PCDHGA8: variants seen among roughly 807,000 people sequenced by gnomAD.
PCDHGA8 encodes the protein protocadherin gamma-A8.
Under a neutral mutation model 59.2 loss-of-function variants are expected in PCDHGA8, and 45 were observed. The ratio of observed to expected loss-of-function variants is 0.76; its 90% CI spans 0.60 to 0.98. The LOEUF (loss-of-function observed/expected upper bound fraction) is 0.98, where lower values mean the gene tolerates loss of function less well. Among genes scored for constraint, PCDHGA8 ranks in the 50% least tolerant of loss-of-function variants. PCDHGA8 has a pLI of 0.00. For synonymous variants in PCDHGA8, 531 were observed against 519.0 expected, an observed-to-expected ratio of 1.02 and a Z score of -0.32; for missense variants, 1,257 against 1,196.2, an observed-to-expected ratio of 1.05 and a Z score of -0.75.
intron 1 of PCDHGA8, chr5:141,419,384 G>T (rs1383174444): frequency 1.2e-6 from 2 of 1,613,554 alleles, no homozygotes; most frequent in East Asian, 2.2e-5. Flanking sequence ...GTCCGTGAGC[G>T]CGCAGAGCGG....
At chr5:141,482,234 A>G (rs11748256) in intron 1 of PCDHGA8, among the ~76,000 whole-genome samples, 44,758 of 152,044 alleles carry the variant, frequency 0.29, 7,110 homozygotes, top group African/African-American at 0.42. Context: ...GAAATTGCCA[A>G]TATAAGTATA....
intron 1 of PCDHGA8, chr5:141,417,540 A>G (rs1301087527): frequency 2.0e-5 from 6 of 301,520 alleles, no homozygotes; most frequent in Non-Finnish European, 3.6e-5. Context: ...TTTAAAAAAA[A>G]TTCCTTGAAA....
At chr5:141,450,815 A>ATAT (rs1420984335) in intron 1 of PCDHGA8, among the ~76,000 whole-genome samples, 2,245 of 126,710 alleles carry the variant, frequency 0.018, 73 homozygotes, top group African/African-American at 0.063. Flanking sequence ...TATTTATTTA[A>ATAT]TATTATTATT....
intron 1 of PCDHGA8, chr5:141,404,380 C>T (rs777340976): frequency 1.9e-6 from 3 of 1,613,916 alleles, no homozygotes; most frequent in Non-Finnish European, 2.5e-6. Context: ...CCGTGATTGC[C>T]TATGACCCTG....
chr5:141,421,507 G>A lies in PCDHGA8; in HGVS notation c.2424+26270G>A, dbSNP rs758920296. On this transcript the variant is annotated intron_variant, in intron 1 of 3. Coordinates refer to ENST00000398604, the MANE Select transcript of PCDHGA8 (RefSeq NM_032088.2). ...GATCACGGCAGGCAGGATAGACCGG[G>A]AGGAGCTCTGTGAGACGGTGTCCTC... The A allele has an allele frequency of 6.8e-6, 11 of 1,614,070 alleles. No homozygotes were observed. The South Asian group carries it at 1.2e-4, about 18-fold the overall frequency.
At chr5:141,410,404 G>A (rs79498912) in intron 1 of PCDHGA8, 32,650 of 1,614,014 alleles carry the variant, frequency 0.02, 588 homozygotes, top group African/African-American at 0.088. Context: ...TCTGTGTCAA[G>A]TCTGGACCTG....
Position 141,491,140 on chromosome 5 carries a change from T to A in PCDHGA8, c.2425-3667T>A, listed in dbSNP as rs1392575961. On this transcript the variant is annotated intron_variant, in intron 1 of 3. Coordinates refer to ENST00000398604, the MANE Select transcript of PCDHGA8 (RefSeq NM_032088.2). This position sits in a 1 kb window ranked among gnomAD's most constrained non-coding sequence, Gnocchi z 6.9. ...TGGTGAGGTGCGCACAGCCCGGGCC[T>A]TACTGGAGGATGACTCTGACACCCA... 2 of 1,614,110 alleles carry A rather than the reference T, an allele frequency of 1.2e-6. No individual in the cohort carries two copies. Among genetic ancestry groups the A allele is most frequent in the Non-Finnish European group, 1.7e-6 (2 of 1,179,992 alleles).
Position 141,395,077 on chromosome 5 carries a change from A to T in PCDHGA8, c.2264A>T (p.Gln755Leu). Reference protein sequence around the residue: ...EVQAFLQTYSQEVSLTADSRK... With the variant: ...EVQAFLQTYSLEVSLTADSRK... ...CAGGCTTTCCTGCAGACCTATTCCC[A>T]GGAAGTCTCCCTCACCGCCGACTCG... Residue 755 changes from glutamine to leucine, a missense_variant, in exon 1 of 4, where the codon CAG becomes CTG. By Grantham distance (113) the Gln-to-Leu change is moderately radical. Transcript: ENST00000398604. 6.2e-7 allele frequency: 1 copy of T among 1,614,142 alleles called. No individual in the cohort carries two copies. Among genetic ancestry groups the T allele is most frequent in the Non-Finnish European group, 8.5e-7 (1 of 1,180,026 alleles).
intron 1 of PCDHGA8, chr5:141,423,754 G>C: frequency 1.7e-6 from 1 of 577,836 alleles, no homozygotes. Flanking sequence ...ACTGTTTGGG[G>C]GGGGGGTGGG....
Position 141,393,911 on chromosome 5 carries a change from T to C in PCDHGA8, c.1098T>C (p.Ile366=). 6 of 1,614,002 alleles carry C rather than the reference T, an allele frequency of 3.7e-6. No homozygotes were observed. Among genetic ancestry groups the C allele is most frequent in the Non-Finnish European group, 5.1e-6 (6 of 1,179,890 alleles). Residue 366 remains isoleucine (I), a synonymous_variant, in exon 1 of 4, where the codon ATT becomes ATC. Coordinates refer to ENST00000398604, the MANE Select transcript of PCDHGA8 (RefSeq NM_032088.2). The part of the protein sequence containing the change: ...VLENSLPGTV[I]AFLSVHDQDS... ...AAAATTCTCTTCCCGGGACAGTAAT[T>C]GCCTTCTTGAGTGTGCATGACCAAG...
chr5:141,478,517 T>G (rs1593923092), intron 1 of PCDHGA8: 1 of 1,611,116 alleles, frequency 6.2e-7, no homozygotes, highest in Non-Finnish European at 8.5e-7. Context: ...TAGGCAGGTG[T>G]TGGGTGCAGA....
rs754530973 is a variant in PCDHGA8 at position 141,413,859 on chromosome 5, C to T, written c.2424+18622C>T. 11 of 1,613,248 alleles carry T rather than the reference C, an allele frequency of 6.8e-6. No individual in the cohort carries two copies. The Admixed American group carries it at 1.7e-4, about 24-fold the overall frequency. On this transcript the variant is annotated intron_variant, in intron 1 of 3. Transcript: ENST00000398604. ...ACGGGGGTGACCCTCTCCGATCTGG[C>T]ACTGTCCTTGTCAGTGTGACTGTCT...
At chr5:141,397,254 A>G (rs961705126) in intron 1 of PCDHGA8, among the ~76,000 whole-genome samples, 12 of 152,184 alleles carry the variant, frequency 7.9e-5, no homozygotes, top group Non-Finnish European at 1.3e-4. Flanking sequence ...AGGGTATATC[A>G]TTTCTTAGCT....
rs781026604 is a variant in PCDHGA8, at chr5:141,490,471, C to G, written c.2425-4336C>G. ...CCACTACTCGCTGCTAACCAGCCAG[C>G]CTTTGGACCGGGAGGCCACATCCCA... On this transcript the variant is annotated intron_variant, in intron 1 of 3. Coordinates refer to ENST00000398604, the MANE Select transcript of PCDHGA8 (RefSeq NM_032088.2). The surrounding 1 kb of genome is among the most constrained non-coding windows in gnomAD (Gnocchi z 5.4). 12 of 1,614,096 alleles carry G rather than the reference C, an allele frequency of 7.4e-6. No homozygotes were observed. The highest frequency in any genetic ancestry group is 1.1e-5 in the South Asian group (1 of 91,092).
chr5:141,422,539 C>T (rs1335732614), intron 1 of PCDHGA8: 6 of 1,613,876 alleles, frequency 3.7e-6, no homozygotes, highest in Middle Eastern at 1.6e-4. Context: ...TGCAGAAACT[C>T]ATGTCTGGCT....
intron 1 of PCDHGA8, among the ~76,000 whole-genome samples, chr5:141,492,490 G>C (rs2099741140): frequency 6.6e-6 from 1 of 152,208 alleles, no homozygotes; most frequent in Non-Finnish European, 1.5e-5. Context: ...CCAGGACCAG[G>C]CGAGGACTCC....
rs1349151273 is a variant in PCDHGA8 at position 141,394,909 on chromosome 5, C to A, written c.2096C>A (p.Ala699Asp). The change falls in exon 1 of 4, where the codon GCC becomes GAC. Residue 699 changes from alanine (A) to aspartate (D), a missense_variant. By Grantham distance (126) the Ala-to-Asp change is moderately radical. Coordinates refer to ENST00000398604, the MANE Select transcript of PCDHGA8 (RefSeq NM_032088.2). ...LTLYLVVAVA[A>D]ISCVFLAFVA... Reference sequence around the variant, plus strand: ...CTCTATCTCGTGGTGGCAGTGGCTGCCATCTCCTGTGTCTTCCTCGCCTTT... The same window carrying A: ...CTCTATCTCGTGGTGGCAGTGGCTGACATCTCCTGTGTCTTCCTCGCCTTT... 1.9e-6 allele frequency: 3 copies of A among 1,613,418 alleles called. No individual in the cohort carries two copies. Among genetic ancestry groups the A allele is most frequent in the East Asian group, 4.5e-5 (2 of 44,896 alleles).
At chr5:141,488,260 G>A (rs1297588710) in intron 1 of PCDHGA8, among the ~76,000 whole-genome samples, 2 of 152,182 alleles carry the variant, frequency 1.3e-5, no homozygotes, top group Non-Finnish European at 1.5e-5. Context: ...AGGTTGGGGC[G>A]GGTTGGTCAT....
At position 141,492,138 on chromosome 5, in the gene PCDHGA8, T is replaced by C. The variant is rs577884713; in HGVS notation, c.2425-2669T>C. ...ATTTCTCCCCAGCTCCCAGCATCTG[T>C]GACTTCACTGTTACCCTCCCTATCC... On this transcript the variant is annotated intron_variant, in intron 1 of 3. Coordinates refer to ENST00000398604, the MANE Select transcript of PCDHGA8 (RefSeq NM_032088.2). 2.4e-3 allele frequency among the ~76,000 whole-genome samples: 366 copies of C among 152,312 alleles called. 1 individual carries two copies. Among genetic ancestry groups the C allele is most frequent in the Non-Finnish European group, 3.5e-3 (238 of 68,014 alleles).
Sources: gnomAD v4.1 joint callset for allele counts (sites outside exome capture counted in the v4.1 genomes callset) on GRCh38, gnomAD v4.1.1 for gene constraint, Gnocchi (gnomAD v3.1) non-coding constraint, MANE v1.5 for transcripts, NCBI Gene and HGNC (gene_info 2026-07-23, HGNC 2026-07-21) for gene names.